Variants in SGPP2 observed in about 807,000 individuals in gnomAD.
The protein encoded by SGPP2 is sphingosine 1-phosphate phosphohydrolase 2.
A neutral mutation model predicts 33.9 loss-of-function variants in SGPP2; 30 were observed. The ratio of observed to expected loss-of-function variants is 0.89; its 90% CI spans 0.66 to 1.20. The LOEUF (loss-of-function observed/expected upper bound fraction) is 1.20, where lower values mean the gene tolerates loss of function less well. Among genes scored for constraint, SGPP2 ranks in the 50% most tolerant of loss-of-function variants. The pLI, the probability that SGPP2 is intolerant of heterozygous loss-of-function variation, is 0.00. For synonymous variants in SGPP2, 233 were observed against 225.0 expected, an observed-to-expected ratio of 1.04 and a Z score of -0.32; for missense variants, 458 against 532.1, an observed-to-expected ratio of 0.86 and a Z score of 1.37.
chr2:222,489,883 T>A (rs1221233310), intron 2 of SGPP2, among the ~76,000 whole-genome samples: 1 of 152,194 alleles, frequency 6.6e-6, no homozygotes, highest in Non-Finnish European at 1.5e-5. Context: ...GAGAATCACT[T>A]GAACCCAGGA....
chr2:222,558,020 A>C (rs780315854), intron 4 of SGPP2, among the ~76,000 whole-genome samples: 43 of 152,242 alleles, frequency 2.8e-4, no homozygotes, highest in Non-Finnish European at 5.1e-4. Flanking sequence ...TATTTGTGAT[A>C]TAAGTGTCGA....
At chr2:222,512,264 G>A (rs1044435932) in intron 2 of SGPP2, among the ~76,000 whole-genome samples, 3 of 152,084 alleles carry the variant, frequency 2.0e-5, no homozygotes, top group African/African-American at 7.2e-5. Flanking sequence ...GCCTGCCTCG[G>A]CCTCCCAAAG....
At chr2:222,542,369 C>G (rs1699011115) in intron 4 of SGPP2, among the ~76,000 whole-genome samples, 1 of 152,174 alleles carries the variant, frequency 6.6e-6, no homozygotes, top group Non-Finnish European at 1.5e-5. Flanking sequence ...TGACACTACC[C>G]CAAACTTTCT....
At chr2:222,440,883 A>G (rs987372914) in intron 1 of SGPP2, among the ~76,000 whole-genome samples, 1 of 53,034 alleles carries the variant, frequency 1.9e-5, no homozygotes, top group African/African-American at 7.9e-5. Context: ...TAACCATGGA[A>G]CATCTTAAAA....
At chr2:222,461,681 C>T (rs1697662775) in intron 1 of SGPP2, among the ~76,000 whole-genome samples, 1 of 151,812 alleles carries the variant, frequency 6.6e-6, no homozygotes, top group South Asian at 2.1e-4. Context: ...GCCTAGATCC[C>T]TCGCATGTGC....
chr2:222,556,241 T>C (rs1689397373), intron 4 of SGPP2, among the ~76,000 whole-genome samples: 2 of 151,956 alleles, frequency 1.3e-5, no homozygotes, highest in South Asian at 4.1e-4. Flanking sequence ...ATATGAAGGA[T>C]TTTTCTCCCC....
At chr2:222,526,507 G>A (rs1418532773) in intron 4 of SGPP2, among the ~76,000 whole-genome samples, 1 of 152,206 alleles carries the variant, frequency 6.6e-6, no homozygotes, top group African/African-American at 2.4e-5. Flanking sequence ...TTACAAAGAG[G>A]TTCTCTCCAA....
rs1205631890 is a variant in SGPP2 at position 222,558,911 on chromosome 2, T to C, written c.*13T>C. ...GGGATTACCCTGAGTCTCAAACAGT[T>C]GGAAACTAGCCCACTGGACATGAAA... On this transcript the variant is annotated 3_prime_UTR_variant, in exon 5 of 5. Coordinates refer to ENST00000321276, the MANE Select transcript of SGPP2 (RefSeq NM_152386.4). 6.3e-7 allele frequency: 1 copy of C among 1,593,172 alleles called. No homozygotes were observed. The highest frequency in any genetic ancestry group is 2.3e-5 in the East Asian group (1 of 44,278).
At chr2:222,546,598 C>T (rs1228271107) in intron 4 of SGPP2, among the ~76,000 whole-genome samples, 1 of 152,162 alleles carries the variant, frequency 6.6e-6, no homozygotes, top group African/African-American at 2.4e-5. Flanking sequence ...AGCCAGGACT[C>T]AACAGCTCAA....
chr2:222,517,065 G>A (rs1322153830), intron 2 of SGPP2, among the ~76,000 whole-genome samples: 1 of 152,134 alleles, frequency 6.6e-6, no homozygotes, highest in African/African-American at 2.4e-5. Context: ...ACTTCCCCAA[G>A]CCTTTCCTCT....
At chr2:222,425,848 G>C (rs1406840548) in intron 1 of SGPP2, among the ~76,000 whole-genome samples, 1 of 152,194 alleles carries the variant, frequency 6.6e-6, no homozygotes, top group Non-Finnish European at 1.5e-5. Flanking sequence ...CCTGGCTTCT[G>C]TGTGGAATGG....
chr2:222,482,717 CT>C (rs1209434981), intron 2 of SGPP2, among the ~76,000 whole-genome samples: 1 of 152,200 alleles, frequency 6.6e-6, no homozygotes, highest in Non-Finnish European at 1.5e-5. Context: ...GACACAGCCC[CT>C]GGTGTAGTCT....
At position 222,511,867 on chromosome 2, in the gene SGPP2, C is replaced by T. The variant is rs187534902; in HGVS notation, c.379-9900C>T. ...AAGTTTTTGTATTTTTTTGTAGAGACAGGGTTTCACCATGTTGCCCAGGCT... is the reference window on the plus strand; with the variant it reads ...AAGTTTTTGTATTTTTTTGTAGAGATAGGGTTTCACCATGTTGCCCAGGCT... On this transcript the variant is annotated intron_variant, in intron 2 of 4. Transcript: ENST00000321276. 1.1e-3 allele frequency among the ~76,000 whole-genome samples: 171 copies of T among 152,198 alleles called. 1 individual carries two copies. Among genetic ancestry groups the T allele is most frequent in the Non-Finnish European group, 9.7e-4 (66 of 67,996 alleles).
At chr2:222,510,042 A>ACTTT (rs889654448) in intron 2 of SGPP2, among the ~76,000 whole-genome samples, 6 of 152,212 alleles carry the variant, frequency 3.9e-5, no homozygotes, top group African/African-American at 1.2e-4. Flanking sequence ...GTTCACCAGT[A>ACTTT]CTTTCTTTCT....
At chr2:222,434,936 G>A (rs11688301) in intron 1 of SGPP2, among the ~76,000 whole-genome samples, 113,556 of 149,894 alleles carry the variant, frequency 0.76, 43,097 homozygotes, top group Middle Eastern at 0.87. Context: ...TGTATATTAG[G>A]GTTCTCTAGA....
intron 2 of SGPP2, among the ~76,000 whole-genome samples, chr2:222,496,098 C>T (rs1236838351): frequency 6.6e-5 from 10 of 152,160 alleles, no homozygotes; most frequent in Non-Finnish European, 1.5e-4. Flanking sequence ...AGAATCCTTT[C>T]GAATGGCATC....
At chr2:222,521,686 C>T in intron 2 of SGPP2, 81 bp from the exon 3 acceptor site, 2 of 1,494,050 alleles carry the variant, frequency 1.3e-6, no homozygotes, top group Non-Finnish European at 9.0e-7. Context: ...ACCTGAGAAC[C>T]CCAAAATATA....
intron 1 of SGPP2, among the ~76,000 whole-genome samples, chr2:222,453,359 C>T (rs1313840422): frequency 1.3e-5 from 2 of 152,016 alleles, no homozygotes; most frequent in Admixed American, 6.6e-5. Flanking sequence ...GCTAAGGCAG[C>T]GTTAAGACTT....
At chr2:222,425,942 A>G (rs1697062946) in intron 1 of SGPP2, among the ~76,000 whole-genome samples, 1 of 151,908 alleles carries the variant, frequency 6.6e-6, no homozygotes, top group African/African-American at 2.4e-5. Flanking sequence ...CCTCCTCTGT[A>G]TTTTTTCCTC....
Sources: gnomAD v4.1 joint callset for allele counts (sites outside exome capture counted in the v4.1 genomes callset) on GRCh38, gnomAD v4.1.1 for gene constraint, MANE v1.5 for transcripts, NCBI Gene and HGNC (gene_info 2026-07-23, HGNC 2026-07-21) for gene names.